Variants in MYH11 observed in about 807,000 individuals in gnomAD.
The protein encoded by MYH11 is myosin-11.
Under a neutral mutation model 246.6 loss-of-function variants are expected in MYH11, and 80 were observed. That is an observed-to-expected ratio of 0.32 (90% CI 0.27 to 0.39). The LOEUF is 0.39. Among genes scored for constraint, MYH11 ranks in the 10% least tolerant of loss-of-function variants. The pLI is 1.00. For missense variants in MYH11, 2,158 were observed against 2,546.8 expected, an observed-to-expected ratio of 0.85 and a Z score of 3.29; for synonymous variants, 1,071 against 1,015.5, an observed-to-expected ratio of 1.05 and a Z score of -1.04.
At chr16:15,818,267 A>T (rs1360432056) in intron 3 of MYH11, among the ~76,000 whole-genome samples, 1 of 151,328 alleles carries the variant, frequency 6.6e-6, no homozygotes, top group Non-Finnish European at 1.5e-5. Context: ...GTGACTTAAC[A>T]GAATGAGATC....
chr16:15,848,924 G>C (rs1157185986), intron 1 of MYH11, among the ~76,000 whole-genome samples: 1 of 152,106 alleles, frequency 6.6e-6, no homozygotes, highest in Non-Finnish European at 1.5e-5. Context: ...CATCTACCTT[G>C]ATGCACCTTC....
At chr16:15,711,756 G>C (rs2039809713) in intron 40 of MYH11, among the ~76,000 whole-genome samples, 1 of 152,122 alleles carries the variant, frequency 6.6e-6, no homozygotes, top group South Asian at 2.1e-4. Flanking sequence ...GCAGTGGTGC[G>C]ATCTCAGCTC....
At chr16:15,802,212 C>T (rs1395110257) in intron 3 of MYH11, among the ~76,000 whole-genome samples, 2 of 152,208 alleles carry the variant, frequency 1.3e-5, no homozygotes, top group Non-Finnish European at 2.9e-5. Context: ...TAGGATCCCA[C>T]TAACAGCTCC....
chr16:15,820,984 C>T (rs922624481), intron 3 of MYH11, among the ~76,000 whole-genome samples: 1 of 152,170 alleles, frequency 6.6e-6, no homozygotes, highest in African/African-American at 2.4e-5. Context: ...GCGATCCTCC[C>T]ACCTCAGCCT....
rs933506363 is a variant in MYH11 at position 15,831,937 on chromosome 16, T to A, written c.345+5971A>T. Among the ~76,000 whole-genome samples the A allele has an allele frequency of 1.4e-3, 206 of 142,826 alleles. 1 individual carries two copies. The highest frequency in any genetic ancestry group is 5.0e-3 in the African/African-American group (195 of 38,868). 93.7% of individuals were successfully genotyped at this position (142,826 alleles called of 152,430 possible). On this transcript the variant is annotated intron_variant, in intron 2 of 40. Coordinates refer to ENST00000300036, the MANE Select transcript of MYH11 (RefSeq NM_002474.3). The stretch of plus-strand genomic sequence containing the variant: ...TGCGTGACAGAGCGAGACTCCATGT[T>A]AAAAAAAAAAAAAGATCAGAAGGGC...
chr16:15,762,165 G>C (rs2041883155), intron 10 of MYH11, among the ~76,000 whole-genome samples: 1 of 152,100 alleles, frequency 6.6e-6, no homozygotes, highest in Non-Finnish European at 1.5e-5. Flanking sequence ...AGTAGAGATG[G>C]GGTTTCACCA....
At chr16:15,799,221 T>A (rs2042824691) in intron 3 of MYH11, among the ~76,000 whole-genome samples, 1 of 152,178 alleles carries the variant, frequency 6.6e-6, no homozygotes, top group African/African-American at 2.4e-5. Context: ...CCTACCGTCA[T>A]GTACAGTCTT....
At position 15,822,997 on chromosome 16, in the gene MYH11, G is replaced by C. The variant is rs926178105; in HGVS notation, c.502+258C>G. Among the ~76,000 whole-genome samples, 7 of 152,396 alleles carry C rather than the reference G, an allele frequency of 4.6e-5. 1 individual carries two copies. The highest frequency in any genetic ancestry group is 4.6e-4 in the Admixed American group (7 of 15,312). ...TCCATCCTTTGCAGACAGCTGGCCC[G>C]ACGGGGACCTTGGGCAGCGAGCCCC... On this transcript the variant is annotated intron_variant, in intron 3 of 40. Transcript: ENST00000300036.
chr16:15,845,084 G>T (rs1383786512), intron 1 of MYH11, among the ~76,000 whole-genome samples: 1 of 152,026 alleles, frequency 6.6e-6, no homozygotes, highest in Non-Finnish European at 1.5e-5. Flanking sequence ...GTGCTTCTGG[G>T]TGACTTACGT....
chr16:15,815,713 T>C (rs867696110), intron 3 of MYH11, among the ~76,000 whole-genome samples: 1 of 152,146 alleles, frequency 6.6e-6, no homozygotes, highest in Non-Finnish European at 1.5e-5. Flanking sequence ...AATGGACTCA[T>C]AGCAAGTCCC....
At chr16:15,811,096 G>C (rs918400663) in intron 3 of MYH11, among the ~76,000 whole-genome samples, 22 of 152,080 alleles carry the variant, frequency 1.4e-4, no homozygotes, top group Non-Finnish European at 2.8e-4. Flanking sequence ...ATCCTCATTG[G>C]GGGAGAGACC....
chr16:15,855,917 C>T (rs1314773879), intron 1 of MYH11, among the ~76,000 whole-genome samples: 2 of 152,222 alleles, frequency 1.3e-5, no homozygotes, highest in East Asian at 1.9e-4. Context: ...TAAACACTCC[C>T]ACCTTGGGTT....
chr16:15,808,670 A>G (rs1383795527), intron 3 of MYH11, among the ~76,000 whole-genome samples: 2 of 152,114 alleles, frequency 1.3e-5, no homozygotes, highest in Admixed American at 6.5e-5. Context: ...GCTGAGGCAG[A>G]AGGATTGCTT....
intron 22 of MYH11, among the ~76,000 whole-genome samples, chr16:15,740,736 G>T (rs7186708): frequency 0.64 from 96,723 of 151,988 alleles, 32,021 homozygotes; most frequent in African/African-American, 0.83. Flanking sequence ...AGTTCTTTGC[G>T]ACTCCAAAAA....
intron 27 of MYH11, among the ~76,000 whole-genome samples, chr16:15,731,270 G>A (rs892229292): frequency 8.5e-5 from 13 of 152,164 alleles, no homozygotes; most frequent in Non-Finnish European, 1.5e-5. Flanking sequence ...TAGGCCTTCA[G>A]TCCTGTAGAG....
intron 1 of MYH11, among the ~76,000 whole-genome samples, chr16:15,854,407 G>T (rs558190050): frequency 6.6e-6 from 1 of 152,310 alleles, no homozygotes; most frequent in South Asian, 2.1e-4. Context: ...GAGTTAGAAA[G>T]ACCTAGATTT....
At position 15,773,290 on chromosome 16, in the gene MYH11, A is replaced by ATTTTTTT. The variant is rs34265896; in HGVS notation, c.890-1585_890-1579dup. Among the ~76,000 whole-genome samples, 12 of 128,632 alleles carry ATTTTTTT rather than the reference A, an allele frequency of 9.3e-5. 1 individual carries two copies. The highest frequency in any genetic ancestry group is 2.3e-4 in the East Asian group (1 of 4,444). The allele number at this position is 128,632 out of a possible 152,430, so 84.4% of individuals were successfully genotyped here. ...ATACTACCTTTCCTTTCCTCCAGCT[A>ATTTTTTT]TTTTTTTTTTTTTTTTTGAGAGGGA... On this transcript the variant is annotated intron_variant, in intron 8 of 40. Coordinates refer to ENST00000300036, the MANE Select transcript of MYH11 (RefSeq NM_002474.3).
At chr16:15,838,729 G>A (rs2043972057) in intron 1 of MYH11, among the ~76,000 whole-genome samples, 1 of 151,862 alleles carries the variant, frequency 6.6e-6, no homozygotes, top group African/African-American at 2.4e-5. Context: ...GTGTGATGGT[G>A]TGCACCTGTA....
chr16:15,784,987 C>A (rs910067359), intron 5 of MYH11: 8 of 356,888 alleles, frequency 2.2e-5, no homozygotes, highest in African/African-American at 1.8e-4. Context: ...GCATGCACAC[C>A]AGGCCCAGCT....
Sources: allele counts gnomAD v4.1 joint callset (sites outside exome capture counted in the v4.1 genomes callset), GRCh38; gene constraint gnomAD v4.1.1; transcripts MANE v1.5; gene names NCBI Gene and HGNC (gene_info 2026-07-23, HGNC 2026-07-21).